Variants in RNF220 observed in about 807,000 individuals in gnomAD.
The protein encoded by RNF220 is ring finger protein 220.
Under a neutral mutation model 67.1 loss-of-function variants are expected in RNF220, and 7 were observed. The ratio of observed to expected loss-of-function variants is 0.10; its 90% CI spans 0.06 to 0.20. RNF220 has a LOEUF of 0.20. Among genes scored for constraint, RNF220 ranks in the 10% least tolerant of loss-of-function variants. The pLI is 1.00. For synonymous variants in RNF220, 270 were observed against 283.2 expected (o/e 0.95, Z 0.47); for missense variants, 565 against 740.3 (o/e 0.76, Z 2.75).
chr1:44,528,289 G>A (rs896937649), intron 2 of RNF220, among the ~76,000 whole-genome samples: 13 of 150,546 alleles, frequency 8.6e-5, no homozygotes, highest in Non-Finnish European at 1.2e-4. Flanking sequence ...ATATTTTGCC[G>A]ATACAAATTG....
intron 2 of RNF220, among the ~76,000 whole-genome samples, chr1:44,469,794 A>C (rs892663814): frequency 3.3e-5 from 5 of 152,206 alleles, no homozygotes; most frequent in African/African-American, 1.2e-4. Flanking sequence ...CAGAGAGGAA[A>C]AACAGTAGGC....
chr1:44,533,256 C>A (rs902012638), intron 2 of RNF220, among the ~76,000 whole-genome samples: 10 of 152,126 alleles, frequency 6.6e-5, no homozygotes, highest in Middle Eastern at 3.2e-3. Context: ...TTTGGGAGAC[C>A]AAAGTGGGAG....
chr1:44,639,787 A>AT (rs1244940077), intron 8 of RNF220, among the ~76,000 whole-genome samples: 1 of 151,834 alleles, frequency 6.6e-6, no homozygotes, highest in Non-Finnish European at 1.5e-5. Context: ...TTTCCTTTTT[A>AT]TTTATTTATT....
chr1:44,428,815 C>T (rs761575107), intron 2 of RNF220, among the ~76,000 whole-genome samples: 1 of 152,000 alleles, frequency 6.6e-6, no homozygotes, highest in Non-Finnish European at 1.5e-5. Context: ...GTGGTTTATT[C>T]TATTAAGCTG....
At position 44,583,087 on chromosome 1, in the gene RNF220, AACC is replaced by A. The variant is rs1248900267; in HGVS notation, c.626-31076_626-31074del. On this transcript the variant is annotated intron_variant, in intron 2 of 14. Transcript: ENST00000361799. ...AGTCCGGTGAGGATTACTGAGACTT[AACC>A]ATCAGAACTGGCAAAAAGGGAACGC... Among the ~76,000 whole-genome samples the A allele has an allele frequency of 2.6e-5, 4 of 152,134 alleles. No homozygotes were observed. In the East Asian group the frequency reaches 7.7e-4, roughly 29 times the overall value.
chr1:44,438,196 C>CT (rs1472038346), intron 2 of RNF220, among the ~76,000 whole-genome samples: 1 of 152,156 alleles, frequency 6.6e-6, no homozygotes, highest in Non-Finnish European at 1.5e-5. Flanking sequence ...TTGTGGCTCA[C>CT]TGCAGCCTCA....
chr1:44,483,079 C>T (rs762565344), intron 2 of RNF220, among the ~76,000 whole-genome samples: 2 of 151,940 alleles, frequency 1.3e-5, no homozygotes, highest in Non-Finnish European at 2.9e-5. Flanking sequence ...TACAGGTGCA[C>T]ACCATCGCGC....
intron 5 of RNF220, chr1:44,631,834 T>G: frequency 2.2e-6 from 2 of 906,830 alleles, no homozygotes; most frequent in Non-Finnish European, 2.6e-6. Flanking sequence ...TCACGGGCGG[T>G]GGGAGGGACC....
intron 2 of RNF220, among the ~76,000 whole-genome samples, chr1:44,450,174 A>G (rs1652523824): frequency 6.6e-6 from 1 of 152,214 alleles, no homozygotes; most frequent in South Asian, 2.1e-4. Flanking sequence ...GCGCCATTGC[A>G]CTTCCAGCCT....
rs147846358 is a variant in RNF220 at position 44,547,318 on chromosome 1, T to C, written c.626-66847T>C. Among the ~76,000 whole-genome samples the C allele has an allele frequency of 3.9e-5, 6 of 152,324 alleles. 2 individuals are homozygous for C. The highest frequency in any genetic ancestry group is 1.4e-4 in the African/African-American group (6 of 41,568). ...TTTATATTTAACCACTTCCATTCTC[T>C]CCACTGGCTCATTTCTGCCACAGTC... is the stretch of plus-strand genomic sequence containing the variant. On this transcript the variant is annotated intron_variant, in intron 2 of 14. Transcript: ENST00000361799.
At chr1:44,570,880 C>G (rs1476629381) in intron 2 of RNF220, among the ~76,000 whole-genome samples, 1 of 152,094 alleles carries the variant, frequency 6.6e-6, no homozygotes, top group East Asian at 1.9e-4. Context: ...TCGAGACCAG[C>G]CTGGTCAACA....
intron 2 of RNF220, among the ~76,000 whole-genome samples, chr1:44,562,962 T>C (rs1233725421): frequency 6.6e-6 from 1 of 152,148 alleles, no homozygotes; most frequent in Non-Finnish European, 1.5e-5. Context: ...GCTCTCTGTC[T>C]TGGGGGAGCT....
chr1:44,460,086 C>T (rs1367331401), intron 2 of RNF220, among the ~76,000 whole-genome samples: 1 of 152,210 alleles, frequency 6.6e-6, no homozygotes, highest in African/African-American at 2.4e-5. Flanking sequence ...GCAATTATAG[C>T]TTAATCCCAA....
intron 2 of RNF220, among the ~76,000 whole-genome samples, chr1:44,580,207 T>C (rs1465258270): frequency 6.6e-6 from 1 of 152,132 alleles, no homozygotes; most frequent in Non-Finnish European, 1.5e-5. Context: ...TTCCTGTTGC[T>C]ATTACATAAT....
intron 2 of RNF220, among the ~76,000 whole-genome samples, chr1:44,415,741 C>A (rs1367498695): frequency 6.6e-6 from 1 of 152,122 alleles, no homozygotes; most frequent in Non-Finnish European, 1.5e-5. Context: ...GTGTCCTTTA[C>A]TTAGAGCAGA....
At chr1:44,633,535 C>T (rs1644233585) in intron 6 of RNF220, among the ~76,000 whole-genome samples, 1 of 152,208 alleles carries the variant, frequency 6.6e-6, no homozygotes, top group South Asian at 2.1e-4. Context: ...ACCTGCCTTC[C>T]TTCTCTGAGA....
At chr1:44,643,709 A>G (rs1644552415) in intron 8 of RNF220, 1 of 152,324 alleles carries the variant, frequency 6.6e-6, no homozygotes, top group Non-Finnish European at 1.5e-5. Flanking sequence ...TGCTGATCCC[A>G]GTAGCCACAG....
At position 44,636,295 on chromosome 1, in the gene RNF220, G is replaced by A. The variant is rs548648291; in HGVS notation, c.1126+133G>A. 6.8e-6 allele frequency: 8 copies of A among 1,184,448 alleles called. No homozygotes were observed. In the Admixed American group the frequency reaches 9.2e-5, roughly 14 times the overall value. 73.4% of individuals were successfully genotyped at this position (1,184,448 alleles called of 1,614,324 possible). ...TTCCACCACGTGGGGACTGCTGCTGGTGGGGCTCCTTTGTGACCGTGCTGC... is the reference window on the plus strand; with the variant it reads ...TTCCACCACGTGGGGACTGCTGCTGATGGGGCTCCTTTGTGACCGTGCTGC... On this transcript the variant is annotated intron_variant, in intron 8 of 14. Coordinates refer to ENST00000361799, the MANE Select transcript of RNF220 (RefSeq NM_018150.4).
At chr1:44,426,434 A>C (rs1481174243) in intron 2 of RNF220, among the ~76,000 whole-genome samples, 1 of 152,226 alleles carries the variant, frequency 6.6e-6, no homozygotes, top group Non-Finnish European at 1.5e-5. Flanking sequence ...AATTTGAAAA[A>C]GGCTTTACTA....
Sources: allele counts gnomAD v4.1 joint callset (sites outside exome capture counted in the v4.1 genomes callset), GRCh38; gene constraint gnomAD v4.1.1; transcripts MANE v1.5; gene names NCBI Gene and HGNC (gene_info 2026-07-23, HGNC 2026-07-21).